The following BCAS3 variants were observed in gnomAD, a reference collection of about 807,000 sequenced individuals.
BCAS3 encodes BCAS4/BCAS3 fusion.
Under a neutral mutation model 116.1 loss-of-function variants are expected in BCAS3, and 53 were observed. The ratio of observed to expected loss-of-function variants is 0.46; its 90% CI spans 0.37 to 0.57. The LOEUF is 0.57. Among genes scored for constraint, BCAS3 ranks in the 20% least tolerant of loss-of-function variants. BCAS3 has a pLI of 0.00. For missense variants in BCAS3, 917 were observed against 1,165.4 expected (o/e 0.79, Z 3.10); for synonymous variants, 391 against 408.2 (o/e 0.96, Z 0.51).
intron 7 of BCAS3, among the ~76,000 whole-genome samples, chr17:60,813,138 A>G (rs953980820): frequency 5.3e-5 from 8 of 152,078 alleles, no homozygotes; most frequent in African/African-American, 1.7e-4. Context: ...CCCTCAAGCT[A>G]TGTTCTTTCC....
intron 7 of BCAS3, among the ~76,000 whole-genome samples, chr17:60,858,912 T>G (rs2053913086): frequency 6.6e-6 from 1 of 152,122 alleles, no homozygotes. Context: ...TTTAAACATA[T>G]TAGGGCCATT....
At chr17:61,046,095 TAA>T (rs1491286925) in intron 19 of BCAS3, among the ~76,000 whole-genome samples, 4 of 50,456 alleles carry the variant, frequency 7.9e-5, no homozygotes, top group Non-Finnish European at 9.8e-5. Context: ...TATATATATA[TAA>T]TATATATATA....
At chr17:61,116,579 A>G (rs906868701) in intron 22 of BCAS3, among the ~76,000 whole-genome samples, 8 of 152,130 alleles carry the variant, frequency 5.3e-5, no homozygotes, top group Admixed American at 4.6e-4. Context: ...TTTGCTTACT[A>G]TGTTTTTTCT....
chr17:61,010,882 A>G (rs562176920), intron 15 of BCAS3, among the ~76,000 whole-genome samples: 1 of 152,148 alleles, frequency 6.6e-6, no homozygotes, highest in South Asian at 2.1e-4. Flanking sequence ...TTATCTATAT[A>G]GAGTAAGCCC....
At position 61,084,506 on chromosome 17, in the gene BCAS3, G is replaced by A; in HGVS notation, c.2367G>A (p.Gly789=). The change falls in exon 22 of 24, where the codon GGG becomes GGA. Residue 789 remains glycine (G), a synonymous_variant. Transcript: ENST00000407086. This position sits in a 1 kb window ranked among gnomAD's most constrained non-coding sequence, Gnocchi z 5.5. ...PVRSDPVSMP[G]SSRPVSDRRG... ...GCTCTGACCCCGTCAGCATGCCAGG[G>A]TCATCCCGTCCAGTCTCTGATCGAA... 1 of 1,614,128 alleles carries A rather than the reference G, an allele frequency of 6.2e-7. No individual in the cohort carries two copies. Among genetic ancestry groups the A allele is most frequent in the South Asian group, 1.1e-5 (1 of 91,076 alleles).
At position 61,007,262 on chromosome 17, in the gene BCAS3, C is replaced by T. The variant is rs2064781485; in HGVS notation, c.1487-8489C>T. Among the ~76,000 whole-genome samples, 1 of 151,814 alleles carries T rather than the reference C, an allele frequency of 6.6e-6. No individual in the cohort carries two copies. Among genetic ancestry groups the T allele is most frequent in the Non-Finnish European group, 1.5e-5 (1 of 67,930 alleles). On this transcript the variant is annotated intron_variant, in intron 15 of 23. Transcript: ENST00000407086. This position sits in a 1 kb window ranked among gnomAD's most constrained non-coding sequence, Gnocchi z 4.3. ...ATCTCCTTTTCTAGGGAATTTTTGC[C>T]TCCTAAGTTTTCAATATTCCTTGTT...
intron 22 of BCAS3, among the ~76,000 whole-genome samples, chr17:61,129,208 T>C (rs534147013): frequency 3.9e-5 from 6 of 152,366 alleles, no homozygotes; most frequent in Admixed American, 3.9e-4. Flanking sequence ...ACAGGCAATT[T>C]TCTTTTCTCA....
In BCAS3 at chr17:61,117,639, T is replaced by G. The variant is rs765206778; in HGVS notation, c.2425+33075T>G. On this transcript the variant is annotated intron_variant, in intron 22 of 23. Coordinates refer to ENST00000407086, the MANE Select transcript of BCAS3 (RefSeq NM_017679.5). ...AGTAAATAAAAATTCCACTTCATTC[T>G]TTTTTATATCTTTTACTTGTTTGCT... Among the ~76,000 whole-genome samples the G allele has an allele frequency of 7.2e-5, 11 of 152,194 alleles. No individual in the cohort carries two copies. In the South Asian group the frequency reaches 1.9e-3, roughly 26 times the overall value.
chr17:60,694,727 C>T lies in BCAS3; in HGVS notation c.214+4966C>T, dbSNP rs138872313. On this transcript the variant is annotated intron_variant, in intron 4 of 23. Coordinates refer to ENST00000407086, the MANE Select transcript of BCAS3 (RefSeq NM_017679.5). ...TTAAACTCAAGTGATCCTCCCACCT[C>T]GGTGTCCCAAAGTGCTGGGATTGCA... Among the ~76,000 whole-genome samples, 367 of 151,818 alleles carry T rather than the reference C, an allele frequency of 2.4e-3. 3 individuals carry two copies. Among genetic ancestry groups the T allele is most frequent in the Middle Eastern group, 3.4e-3 (1 of 294 alleles).
At position 60,950,443 on chromosome 17, in the gene BCAS3, G is replaced by A. The variant is rs898791421; in HGVS notation, c.1221+3091G>A. Among the ~76,000 whole-genome samples, 4 of 152,268 alleles carry A rather than the reference G, an allele frequency of 2.6e-5. No individual in the cohort carries two copies. The South Asian group carries it at 8.3e-4, about 32-fold the overall frequency. On this transcript the variant is annotated intron_variant, in intron 14 of 23. Coordinates refer to ENST00000407086, the MANE Select transcript of BCAS3 (RefSeq NM_017679.5). ...GGAGAAAATTGACCATGAATGAGGT[G>A]TTATTTGACATTTATCAACTATAAC...
intron 4 of BCAS3, among the ~76,000 whole-genome samples, chr17:60,690,964 A>G (rs1242142628): frequency 1.3e-5 from 2 of 151,212 alleles, no homozygotes; most frequent in Admixed American, 1.3e-4. Context: ...AGGGAGTCTC[A>G]CTCTGTCGCC....
In BCAS3 at chr17:61,388,958, CATCATTCA is replaced by C. The variant is rs898426642; in HGVS notation, c.2594-3018_2594-3011del. 2 of 457,640 alleles carry C rather than the reference CATCATTCA, an allele frequency of 4.4e-6. No homozygotes were observed. Among genetic ancestry groups the C allele is most frequent in the African/African-American group, 4.9e-5 (2 of 41,202 alleles). The allele number at this position is 457,640 out of a possible 1,614,324, so 28.3% of individuals were successfully genotyped here. On this transcript the variant is annotated intron_variant, in intron 23 of 23. Transcript: ENST00000407086. The surrounding 1 kb of genome is among the most constrained non-coding windows in gnomAD (Gnocchi z 6.5). ...AATGGGCCCCCACCTCCCCTTACCACATCATTCATTCATTCATTCATTCATTCATTCAT... is the reference window on the plus strand; with the variant it reads ...AATGGGCCCCCACCTCCCCTTACCACTTCATTCATTCATTCATTCATTCAT...
intron 5 of BCAS3, among the ~76,000 whole-genome samples, chr17:60,736,006 A>G (rs2040919641): frequency 7.0e-6 from 1 of 143,514 alleles, no homozygotes; most frequent in Admixed American, 6.8e-5. Context: ...AGGTTGAACC[A>G]GCTTTGCATA....
intron 22 of BCAS3, among the ~76,000 whole-genome samples, chr17:61,294,769 G>T (rs2052737470): frequency 6.6e-6 from 1 of 152,190 alleles, no homozygotes; most frequent in Non-Finnish European, 1.5e-5. Context: ...CCATTGCTGG[G>T]ATTTAGTCTG....
intron 13 of BCAS3, among the ~76,000 whole-genome samples, chr17:60,938,911 G>A (rs1234250137): frequency 6.6e-6 from 1 of 152,112 alleles, no homozygotes; most frequent in Non-Finnish European, 1.5e-5. Flanking sequence ...AATACCAATT[G>A]AAATTATTAA....
At position 61,122,898 on chromosome 17, in the gene BCAS3, C is replaced by T. The variant is rs1351759423; in HGVS notation, c.2425+38334C>T. Reference sequence around the variant, plus strand: ...AAATGGCTTATCTCAGAAAACTTGACCCAAGAGATAAAGACTGTGAAAGAT... The same window carrying T: ...AAATGGCTTATCTCAGAAAACTTGATCCAAGAGATAAAGACTGTGAAAGAT... On this transcript the variant is annotated intron_variant, in intron 22 of 23. Coordinates refer to ENST00000407086, the MANE Select transcript of BCAS3 (RefSeq NM_017679.5). This position sits in a 1 kb window ranked among gnomAD's most constrained non-coding sequence, Gnocchi z 4.6. 6.6e-6 allele frequency among the ~76,000 whole-genome samples: 1 copy of T among 151,680 alleles called. No homozygotes were observed. The highest frequency in any genetic ancestry group is 6.6e-5 in the Admixed American group (1 of 15,252).
chr17:61,169,631 A>G (rs1243682933), intron 22 of BCAS3, among the ~76,000 whole-genome samples: 1 of 152,196 alleles, frequency 6.6e-6, no homozygotes, highest in Non-Finnish European at 1.5e-5. Context: ...CAACCTTTAT[A>G]AATAAACAGA....
chr17:61,321,923 T>A (rs959832847), intron 22 of BCAS3, among the ~76,000 whole-genome samples: 1 of 143,430 alleles, frequency 7.0e-6, no homozygotes, highest in Non-Finnish European at 1.5e-5. Flanking sequence ...TATCCCGTTT[T>A]TTGTTTGTTT....
intron 22 of BCAS3, among the ~76,000 whole-genome samples, chr17:61,093,021 C>T (rs1344954995): frequency 6.6e-6 from 1 of 150,584 alleles, no homozygotes. Flanking sequence ...ATTATCCTGC[C>T]TCAGCCTCCC....
Sources: gnomAD v4.1 joint callset for allele counts (sites outside exome capture counted in the v4.1 genomes callset) on GRCh38, gnomAD v4.1.1 for gene constraint, Gnocchi (gnomAD v3.1) non-coding constraint, MANE v1.5 for transcripts, NCBI Gene and HGNC (gene_info 2026-07-23, HGNC 2026-07-21) for gene names.